C3orf85: variants seen among roughly 807,000 people sequenced by gnomAD.
The protein encoded by C3orf85 is chromosome 3 open reading frame 85.
Under a neutral mutation model 1.7 loss-of-function variants are expected in C3orf85, and 1 was observed. The observed-to-expected ratio is 0.60, with a 90% CI of 0.21 to 2.86. The LOEUF (loss-of-function observed/expected upper bound fraction) is 2.86. Ranked by LOEUF, C3orf85 falls within the 30% of genes most tolerant of loss-of-function variation. C3orf85 has a pLI of 0.22. For missense variants in C3orf85, 29 were observed against 21.3 expected (o/e 1.36, Z -0.72); for synonymous variants, 17 against 8.0 (o/e 2.13, Z -1.90).
intron 2 of C3orf85, among the ~76,000 whole-genome samples, chr3:109,143,302 G>A (rs980556823): frequency 6.6e-6 from 1 of 152,150 alleles, no homozygotes; most frequent in Non-Finnish European, 1.5e-5. Context: ...TATGTGTATA[G>A]GGTATAGAAT....
At chr3:109,148,167 A>G (rs1205860588) in intron 2 of C3orf85, 86 bp from the exon 3 acceptor site, 1 of 622,994 alleles carries the variant, frequency 1.6e-6, no homozygotes, top group African/African-American at 1.8e-5. Flanking sequence ...CCTACCAAAG[A>G]TCACAGCTGG....
Position 109,149,917 on chromosome 3 carries a change from G to T in C3orf85, c.*23G>T. ...TAAATATGTTTTCCTGGTTAAAGCA[G>T]GAGGATGAAGATGGCAGAGGTTGGA... is the stretch of plus-strand genomic sequence containing the variant. On this transcript the variant is annotated 3_prime_UTR_variant, in exon 4 of 4. Coordinates refer to ENST00000622536, the MANE Select transcript of C3orf85 (RefSeq NM_001351622.2). 1 of 398,114 alleles carries T rather than the reference G, an allele frequency of 2.5e-6. No homozygotes were observed. Among genetic ancestry groups the T allele is most frequent in the South Asian group, 1.3e-4 (1 of 7,842 alleles). The allele number at this position is 398,114 out of a possible 1,614,324, so 24.7% of individuals were successfully genotyped here. A position where few individuals can be genotyped will look rare whatever the true frequency, so the allele number is the denominator to read the frequency against.
At chr3:109,138,410 C>A (rs1406932767) in intron 2 of C3orf85, among the ~76,000 whole-genome samples, 2 of 152,174 alleles carry the variant, frequency 1.3e-5, no homozygotes, top group East Asian at 3.9e-4. Flanking sequence ...CTGACAGTTT[C>A]TACATCATGT....
At chr3:109,145,373 C>T (rs143207704) in intron 2 of C3orf85, among the ~76,000 whole-genome samples, 9 of 152,192 alleles carry the variant, frequency 5.9e-5, no homozygotes, top group East Asian at 5.8e-4. Flanking sequence ...GTAAGCCAGA[C>T]GGAAAAGAAC....
intron 2 of C3orf85, among the ~76,000 whole-genome samples, chr3:109,147,075 AT>A (rs1198903439): frequency 6.6e-6 from 1 of 152,042 alleles, no homozygotes; most frequent in Non-Finnish European, 1.5e-5. Context: ...TCTGGCTTAA[AT>A]TTTTTAAAAA....
intron 2 of C3orf85, 90 bp downstream of exon 2, chr3:109,136,986 C>T (rs1041349676): frequency 2.0e-5 from 8 of 398,006 alleles, no homozygotes; most frequent in East Asian, 3.6e-5. Context: ...TGAACAAACA[C>T]GTTTTTATCC....
chr3:109,136,812 A>G (rs1706682087), intron 1 of C3orf85, 32 bp from the exon 2 acceptor site: 2 of 408,552 alleles, frequency 4.9e-6, no homozygotes, highest in Non-Finnish European at 8.7e-6. Flanking sequence ...GCTAAATTAA[A>G]GTAAATAAAT....
rs1250972517 is a variant in C3orf85 at position 109,148,402 on chromosome 3, A to G, written c.183+16A>G. 1.4e-6 allele frequency: 1 copy of G among 702,496 alleles called. No individual in the cohort carries two copies. The highest frequency in any genetic ancestry group is 1.7e-5 in the African/African-American group (1 of 57,352). 43.5% of individuals were successfully genotyped at this position (702,496 alleles called of 1,614,324 possible). The stretch of plus-strand genomic sequence containing the variant: ...GGCTAAGCAGGTATTTGTATTAGAA[A>G]CAAATGGTCCTTCACCATTTATCTT... On this transcript the variant is annotated intron_variant, in intron 3 of 3. Transcript: ENST00000622536.
intron 2 of C3orf85, among the ~76,000 whole-genome samples, chr3:109,144,278 G>A (rs1450060295): frequency 1.3e-5 from 2 of 152,142 alleles, no homozygotes; most frequent in East Asian, 3.9e-4. Flanking sequence ...TTCTCAAGCA[G>A]AGAGGATAAT....
intron 2 of C3orf85, among the ~76,000 whole-genome samples, chr3:109,147,245 T>C (rs919772957): frequency 2.6e-5 from 4 of 152,200 alleles, no homozygotes; most frequent in African/African-American, 9.6e-5. Flanking sequence ...AAATCTTGTG[T>C]TGCCTCGTTT....
In C3orf85 at chr3:109,151,146, A is replaced by G. The variant is rs1166670465; in HGVS notation, c.*1252A>G. Among the ~76,000 whole-genome samples, 1 of 152,216 alleles carries G rather than the reference A, an allele frequency of 6.6e-6. No homozygotes were observed. Among genetic ancestry groups the G allele is most frequent in the Non-Finnish European group, 1.5e-5 (1 of 68,032 alleles). The stretch of plus-strand genomic sequence containing the variant: ...TAGATTTTTAAATTACATCTGAACA[A>G]ACAAAACAAAGATGATGAATCATTT... On this transcript the variant is annotated 3_prime_UTR_variant, in exon 4 of 4. Coordinates refer to ENST00000622536, the MANE Select transcript of C3orf85 (RefSeq NM_001351622.2).
At position 109,151,105 on chromosome 3, in the gene C3orf85, C is replaced by A. The variant is rs1273363975; in HGVS notation, c.*1211C>A. ...TTATTAAGTTAACTGCTATCCATTTCCAATAAATATGAACATAGATTTTTA... is the reference window on the plus strand; with the variant it reads ...TTATTAAGTTAACTGCTATCCATTTACAATAAATATGAACATAGATTTTTA... On this transcript the variant is annotated 3_prime_UTR_variant, in exon 4 of 4. Transcript: ENST00000622536. Among the ~76,000 whole-genome samples, 2 of 152,048 alleles carry A rather than the reference C, an allele frequency of 1.3e-5. No individual in the cohort carries two copies. Among genetic ancestry groups the A allele is most frequent in the Non-Finnish European group, 1.5e-5 (1 of 68,028 alleles).
At chr3:109,148,626 T>G (rs746770895) in intron 3 of C3orf85, 6 of 453,556 alleles carry the variant, frequency 1.3e-5, no homozygotes, top group African/African-American at 2.0e-5. Context: ...AGGGCGACAT[T>G]TGTCTTTCCT....
Position 109,150,416 on chromosome 3 carries a change from C to T in C3orf85, c.*522C>T, listed in dbSNP as rs367924755. The T allele has an allele frequency of 6.6e-6, 1 of 152,246 alleles. No individual in the cohort carries two copies. Among genetic ancestry groups the T allele is most frequent in the East Asian group, 1.9e-4 (1 of 5,178 alleles). 9.4% of individuals were successfully genotyped at this position (152,246 alleles called of 1,614,324 possible). On this transcript the variant is annotated 3_prime_UTR_variant, in exon 4 of 4. Coordinates refer to ENST00000622536, the MANE Select transcript of C3orf85 (RefSeq NM_001351622.2). ...TGTACTGCTGAGTGGAGAATACAGC[C>T]TTACCTTAATACAACAAGTAGATAG... is the stretch of plus-strand genomic sequence containing the variant.
At chr3:109,142,703 G>GTT (rs112792947) in intron 2 of C3orf85, among the ~76,000 whole-genome samples, 10 of 143,630 alleles carry the variant, frequency 7.0e-5, no homozygotes, top group Admixed American at 1.4e-4. Context: ...CATGTGCTCT[G>GTT]TTTTTTTTTT....
At chr3:109,140,049 C>T (rs1369200888) in intron 2 of C3orf85, among the ~76,000 whole-genome samples, 1 of 152,148 alleles carries the variant, frequency 6.6e-6, no homozygotes, top group African/African-American at 2.4e-5. Flanking sequence ...CCTCCAATTC[C>T]TTAGAGATTC....
rs1706849178 is a variant in C3orf85, at chr3:109,149,877, A to G, written c.256A>G (p.Met86Val). 5.0e-6 allele frequency: 2 copies of G among 398,482 alleles called. No homozygotes were observed. The highest frequency in any genetic ancestry group is 8.9e-6 in the Non-Finnish European group (2 of 225,614). 24.7% of individuals were successfully genotyped at this position (398,482 alleles called of 1,614,324 possible). A position where few individuals can be genotyped will look rare whatever the true frequency, so the allele number is the denominator to read the frequency against. The change falls in exon 4 of 4, where the codon ATG (methionine) becomes GTG (valine). Residue 86 changes from methionine to valine, a missense_variant. Physicochemically the swap from Met to Val is conservative, Grantham distance 21. Coordinates refer to ENST00000622536, the MANE Select transcript of C3orf85 (RefSeq NM_001351622.2). Reference sequence around the variant, plus strand: ...GGATATGAATACCTTCACCTTTGACATGTCTACTGCCCAGTAAATATGTTT... The same window carrying G: ...GGATATGAATACCTTCACCTTTGACGTGTCTACTGCCCAGTAAATATGTTT... ...YLDMNTFTFD[M>V]STAQ
At chr3:109,139,725 G>T (rs1168249961) in intron 2 of C3orf85, among the ~76,000 whole-genome samples, 3 of 152,160 alleles carry the variant, frequency 2.0e-5, no homozygotes, top group Non-Finnish European at 4.4e-5. Context: ...CGATTTGGGG[G>T]TCCATGCCCA....
intron 2 of C3orf85, among the ~76,000 whole-genome samples, chr3:109,139,275 C>G (rs1392746951): frequency 1.3e-5 from 2 of 152,196 alleles, no homozygotes; most frequent in Non-Finnish European, 2.9e-5. Flanking sequence ...AGCAAGACGT[C>G]CTCTTGAAAA....
Sources: gnomAD v4.1 joint callset for allele counts (sites outside exome capture counted in the v4.1 genomes callset) on GRCh38, gnomAD v4.1.1 for gene constraint, MANE v1.5 for transcripts, NCBI Gene and HGNC (gene_info 2026-07-23, HGNC 2026-07-21) for gene names.